Variants in ATP13A4 observed in about 807,000 individuals in gnomAD.
The protein encoded by ATP13A4 is probable cation-transporting ATPase 13A4.
Under a neutral mutation model 142.5 loss-of-function variants are expected in ATP13A4, and 114 were observed. The observed-to-expected ratio is 0.80, with a 90% confidence interval of 0.69 to 0.93. The LOEUF (loss-of-function observed/expected upper bound fraction) is 0.93. Among genes scored for constraint, ATP13A4 ranks in the 40% least tolerant of loss-of-function variants. ATP13A4 has a pLI of 0.00. For synonymous variants in ATP13A4, 488 were observed against 514.8 expected, an observed-to-expected ratio of 0.95 and a Z score of 0.70; for missense variants, 1,392 against 1,454.0, an observed-to-expected ratio of 0.96 and a Z score of 0.69.
intron 1 of ATP13A4, among the ~76,000 whole-genome samples, chr3:193,538,629 A>G (rs1722714884): frequency 6.6e-6 from 1 of 152,100 alleles, no homozygotes; most frequent in African/African-American, 2.4e-5. Context: ...TTGTGGATGA[A>G]AGCACTTGGA....
At chr3:193,482,569 T>C (rs1310040030) in intron 8 of ATP13A4, among the ~76,000 whole-genome samples, 1 of 152,086 alleles carries the variant, frequency 6.6e-6, no homozygotes. Context: ...ATTTTAATAA[T>C]AAAAATAATC....
intron 1 of ATP13A4, among the ~76,000 whole-genome samples, chr3:193,522,823 C>T (rs1377104562): frequency 5.3e-5 from 8 of 152,084 alleles, no homozygotes; most frequent in East Asian, 3.8e-4. Flanking sequence ...TCTTTTTGTC[C>T]GGTAATCTTG....
At chr3:193,592,013 T>C (rs1724814370) in intron 1 of ATP13A4, among the ~76,000 whole-genome samples, 1 of 151,960 alleles carries the variant, frequency 6.6e-6, no homozygotes, top group African/African-American at 2.4e-5. Flanking sequence ...TTGGGAAGTT[T>C]ACTATCAATG....
intron 26 of ATP13A4, among the ~76,000 whole-genome samples, chr3:193,412,629 C>CAG (rs960963565): frequency 1.3e-5 from 2 of 149,340 alleles, no homozygotes; most frequent in African/African-American, 5.0e-5. Flanking sequence ...GAGAGAGAGA[C>CAG]AGAGAGAGAG....
At chr3:193,545,109 C>T (rs991771924) in intron 1 of ATP13A4, among the ~76,000 whole-genome samples, 4 of 152,150 alleles carry the variant, frequency 2.6e-5, no homozygotes, top group African/African-American at 4.8e-5. Flanking sequence ...AGTCTCAGAT[C>T]TCTCCATCTA....
intron 1 of ATP13A4, among the ~76,000 whole-genome samples, chr3:193,537,725 G>A (rs1278348160): frequency 6.6e-6 from 1 of 152,126 alleles, no homozygotes; most frequent in Non-Finnish European, 1.5e-5. Flanking sequence ...TGCAATGAGT[G>A]AATGGTTAAA....
chr3:193,539,685 G>T (rs1722778524), intron 1 of ATP13A4, among the ~76,000 whole-genome samples: 1 of 152,056 alleles, frequency 6.6e-6, no homozygotes, highest in South Asian at 2.1e-4. Flanking sequence ...GCTCACCATG[G>T]AACACAACAG....
chr3:193,524,335 C>T (rs1296249107), intron 1 of ATP13A4, among the ~76,000 whole-genome samples: 1 of 152,130 alleles, frequency 6.6e-6, no homozygotes, highest in Non-Finnish European at 1.5e-5. Context: ...AGCCCTTAAA[C>T]CTGTGGAGAC....
At position 193,402,739 on chromosome 3, in the gene ATP13A4, GT is replaced by G; in HGVS notation, c.3503del (p.Asn1168ThrfsTer51). 6.2e-7 allele frequency: 1 copy of G among 1,602,220 alleles called. No individual in the cohort carries two copies. The highest frequency in any genetic ancestry group is 8.6e-7 in the Non-Finnish European group (1 of 1,169,262). On this transcript the variant is annotated frameshift_variant, in exon 30 of 30. Coordinates refer to ENST00000342695, the MANE Select transcript of ATP13A4 (RefSeq NM_032279.4). LOFTEE classifies it high-confidence loss of function. ...LANDPSWPPL[N>X]QTSHSDMPEC... ...CCGGCATGTCAGAGTGGGAGGTTTGGTTTAGCGGGGGCCAACTAGGGTCATT... is the reference window on the plus strand; with the variant it reads ...CCGGCATGTCAGAGTGGGAGGTTTGGTTAGCGGGGGCCAACTAGGGTCATT...
At chr3:193,510,101 G>C (rs1473284134) in intron 2 of ATP13A4, among the ~76,000 whole-genome samples, 1 of 152,082 alleles carries the variant, frequency 6.6e-6, no homozygotes, top group Non-Finnish European at 1.5e-5. Flanking sequence ...CCTGGTGTGG[G>C]AAACGTGGGC....
intron 1 of ATP13A4, among the ~76,000 whole-genome samples, chr3:193,522,435 A>G (rs1400798985): frequency 6.6e-6 from 1 of 152,196 alleles, no homozygotes; most frequent in African/African-American, 2.4e-5. Context: ...TAAGGAAGGT[A>G]GTATCAGGCA....
intron 1 of ATP13A4, among the ~76,000 whole-genome samples, chr3:193,542,050 A>G (rs1025022967): frequency 2.0e-5 from 3 of 152,164 alleles, no homozygotes; most frequent in Admixed American, 6.5e-5. Context: ...CTGCTTGCAG[A>G]TGGCATGATC....
chr3:193,403,288 T>C (rs6444716), intron 29 of ATP13A4, among the ~76,000 whole-genome samples: 1 of 152,132 alleles, frequency 6.6e-6, no homozygotes, highest in Non-Finnish European at 1.5e-5. Context: ...ATGTGGCCCA[T>C]GTATGACATG....
At chr3:193,482,513 T>C (rs1260606393) in intron 8 of ATP13A4, among the ~76,000 whole-genome samples, 2 of 152,182 alleles carry the variant, frequency 1.3e-5, no homozygotes, top group Non-Finnish European at 2.9e-5. Flanking sequence ...TTGCAAATCA[T>C]TTATCTGATA....
intron 2 of ATP13A4, among the ~76,000 whole-genome samples, chr3:193,563,581 T>C (rs746352615): frequency 1.3e-5 from 2 of 152,186 alleles, no homozygotes; most frequent in African/African-American, 4.8e-5. Flanking sequence ...TTACTTGAGC[T>C]TGCAAGGTCA....
At chr3:193,577,647 C>T (rs138061362) in intron 2 of ATP13A4, among the ~76,000 whole-genome samples, 1 of 152,322 alleles carries the variant, frequency 6.6e-6, no homozygotes, top group East Asian at 1.9e-4. Context: ...ATACTGTCTA[C>T]ACTGTGCTAT....
At chr3:193,573,276 C>CGTATATATATATATATTCTT (rs745558107) in intron 2 of ATP13A4, among the ~76,000 whole-genome samples, 6,332 of 77,744 alleles carry the variant, frequency 0.081, 357 homozygotes, top group Non-Finnish European at 0.11. Context: ...TATATATATA[C>CGTATATATATATATATTCTT]ATATATATAT....
chr3:193,586,050 G>GTATATAAAATATA (rs2108749040), intron 1 of ATP13A4, among the ~76,000 whole-genome samples: 1 of 150,058 alleles, frequency 6.7e-6, no homozygotes, highest in East Asian at 2.0e-4. Flanking sequence ...GGCCAAATAT[G>GTATATAAAATATA]TATATAAAAT....
Position 193,582,170 on chromosome 3 carries a change from C to T in ATP13A4, n.92-264G>A, listed in dbSNP as rs1269194262. Among the ~76,000 whole-genome samples, 37 of 111,728 alleles carry T rather than the reference C, an allele frequency of 3.3e-4. 2 individuals are homozygous for T. The South Asian group carries it at 3.5e-3, about 11-fold the overall frequency. The allele number at this position is 111,728 out of a possible 152,430, so 73.3% of individuals were successfully genotyped here. ...TTTTCTTTTTTTTTTTTTTTTTTGG[C>T]GGAGTTTTCCTCTTGTGGCCCAGGC... is the stretch of plus-strand genomic sequence containing the variant. On this transcript the variant is annotated intron_variant and non_coding_transcript_variant, in intron 1 of 3. Transcript: ENST00000489140.
Sources: allele counts gnomAD v4.1 joint callset (sites outside exome capture counted in the v4.1 genomes callset), GRCh38; gene constraint gnomAD v4.1.1; transcripts MANE v1.5; gene names NCBI Gene and HGNC (gene_info 2026-07-23, HGNC 2026-07-21).